TMEM108: variants seen among roughly 807,000 people sequenced by gnomAD.
The protein encoded by TMEM108 is transmembrane protein 108.
A neutral mutation model predicts 35.1 loss-of-function variants in TMEM108; 12 were observed. The ratio of observed to expected loss-of-function variants is 0.34; its 90% CI spans 0.22 to 0.55. TMEM108 has a LOEUF of 0.55. Ranked by LOEUF, TMEM108 falls within the 20% of genes least tolerant of loss-of-function variation. The probability of loss-of-function intolerance (pLI) is 0.89; values close to 1 mark genes in which losing one functional copy is unlikely to be tolerated. For synonymous variants in TMEM108, 287 were observed against 308.6 expected, an observed-to-expected ratio of 0.93 and a Z score of 0.73; for missense variants, 680 against 753.3, an observed-to-expected ratio of 0.90 and a Z score of 1.14.
intron 3 of TMEM108, among the ~76,000 whole-genome samples, chr3:133,324,998 A>G (rs2071313034): frequency 6.6e-6 from 1 of 152,084 alleles, no homozygotes; most frequent in Non-Finnish European, 1.5e-5. Flanking sequence ...AAGAAGAAGA[A>G]GTCATTATAT....
Position 133,235,259 on chromosome 3 carries a change from G to A in TMEM108, c.40+5908G>A, listed in dbSNP as rs990583170. 3.3e-5 allele frequency among the ~76,000 whole-genome samples: 5 copies of A among 151,928 alleles called. No individual in the cohort carries two copies. In the East Asian group the frequency reaches 7.7e-4, roughly 23 times the overall value. Reference sequence around the variant, plus strand: ...CAGAATTGGAAAAAACTACTTTAAAGTTCATATGGAACCAAAAAAGAGCCT... The same window carrying A: ...CAGAATTGGAAAAAACTACTTTAAAATTCATATGGAACCAAAAAAGAGCCT... On this transcript the variant is annotated intron_variant, in intron 3 of 5. Coordinates refer to ENST00000321871, the MANE Select transcript of TMEM108 (RefSeq NM_023943.4).
At chr3:133,266,195 T>A (rs934509654) in intron 3 of TMEM108, among the ~76,000 whole-genome samples, 24 of 149,402 alleles carry the variant, frequency 1.6e-4, no homozygotes, top group Non-Finnish European at 3.1e-4. Context: ...GCTGTTAGGT[T>A]TTTTTTGTTG....
intron 2 of TMEM108, among the ~76,000 whole-genome samples, chr3:133,186,635 T>C (rs1490244477): frequency 6.6e-6 from 1 of 152,180 alleles, no homozygotes; most frequent in African/African-American, 2.4e-5. Context: ...CTCCATTGAT[T>C]TGTGTCATTG....
At chr3:133,390,613 G>T (rs1201865136) in intron 5 of TMEM108, among the ~76,000 whole-genome samples, 1 of 152,172 alleles carries the variant, frequency 6.6e-6, no homozygotes, top group East Asian at 1.9e-4. Flanking sequence ...ACTCAGTGAG[G>T]ACCTGTTTTG....
chr3:133,131,684 A>G (rs992603577), intron 2 of TMEM108, among the ~76,000 whole-genome samples: 1 of 151,766 alleles, frequency 6.6e-6, no homozygotes, highest in Non-Finnish European at 1.5e-5. Flanking sequence ...TAACCCTAAA[A>G]TGGCCTCTAA....
intron 2 of TMEM108, among the ~76,000 whole-genome samples, chr3:133,166,485 G>A (rs1440795447): frequency 6.6e-6 from 1 of 152,228 alleles, no homozygotes; most frequent in Non-Finnish European, 1.5e-5. Flanking sequence ...AAGATGGTGT[G>A]TCCGGAGTTT....
intron 3 of TMEM108, among the ~76,000 whole-genome samples, chr3:133,357,740 CATACAGAGTG>C (rs2072216789): frequency 1.3e-5 from 2 of 152,074 alleles, no homozygotes; most frequent in Admixed American, 6.6e-5. Flanking sequence ...GATGCAGAGA[CATACAGAGTG>C]ATATAATGGA....
At chr3:133,061,588 C>T (rs912401145) in intron 2 of TMEM108, among the ~76,000 whole-genome samples, 10 of 152,152 alleles carry the variant, frequency 6.6e-5, no homozygotes, top group African/African-American at 2.2e-4. Flanking sequence ...CTTGCAGCAT[C>T]GTCTAATTAA....
intron 3 of TMEM108, among the ~76,000 whole-genome samples, chr3:133,336,319 A>G (rs761318019): frequency 1.3e-5 from 2 of 152,124 alleles, no homozygotes; most frequent in African/African-American, 4.8e-5. Flanking sequence ...CATGGCTCCA[A>G]AAATGACCCC....
chr3:133,080,492 A>C (rs539791131), intron 2 of TMEM108, among the ~76,000 whole-genome samples: 3 of 152,228 alleles, frequency 2.0e-5, no homozygotes, highest in Non-Finnish European at 4.4e-5. Flanking sequence ...TGCTTTGTCT[A>C]ATCCTTGTTC....
chr3:133,374,673 A>G (rs1259092755), intron 3 of TMEM108, among the ~76,000 whole-genome samples: 1 of 152,078 alleles, frequency 6.6e-6, no homozygotes, highest in Non-Finnish European at 1.5e-5. Flanking sequence ...GAATTAAATC[A>G]GGGGCTTCCA....
intron 3 of TMEM108, among the ~76,000 whole-genome samples, chr3:133,281,772 A>G (rs892193894): frequency 5.9e-5 from 9 of 152,186 alleles, no homozygotes; most frequent in African/African-American, 2.2e-4. Context: ...TCTACTGCGT[A>G]AGAGGGTGGG....
At chr3:133,358,328 C>T (rs929471894) in intron 3 of TMEM108, among the ~76,000 whole-genome samples, 7 of 152,022 alleles carry the variant, frequency 4.6e-5, no homozygotes, top group African/African-American at 7.2e-5. Context: ...CGAACCACTA[C>T]GCCTGGCTAA....
chr3:133,205,811 G>A (rs1403561896), intron 2 of TMEM108, among the ~76,000 whole-genome samples: 1 of 152,082 alleles, frequency 6.6e-6, no homozygotes, highest in Admixed American at 6.5e-5. Flanking sequence ...TCTTTGTGGT[G>A]CTCTCTGTAT....
chr3:133,169,680 G>A (rs917809170), intron 2 of TMEM108, among the ~76,000 whole-genome samples: 4 of 152,218 alleles, frequency 2.6e-5, no homozygotes, highest in Non-Finnish European at 5.9e-5. Context: ...GTGTACCCCA[G>A]TTGAAAATTA....
At chr3:133,299,173 A>G (rs1947185085) in intron 3 of TMEM108, among the ~76,000 whole-genome samples, 1 of 152,238 alleles carries the variant, frequency 6.6e-6, no homozygotes, top group African/African-American at 2.4e-5. Context: ...CCTTGCAGCC[A>G]GCTAGTGCTC....
At position 133,277,917 on chromosome 3, in the gene TMEM108, C is replaced by G. The variant is rs1318261655; in HGVS notation, c.40+48566C>G. On this transcript the variant is annotated intron_variant, in intron 3 of 5. Coordinates refer to ENST00000321871, the MANE Select transcript of TMEM108 (RefSeq NM_023943.4). ...GTGGACCAGAGACTCAGGCTCTGCC[C>G]CATTTGAAACATTCTTATTGCAAAC... Among the ~76,000 whole-genome samples, 4 of 152,138 alleles carry G rather than the reference C, an allele frequency of 2.6e-5. No homozygotes were observed. In the South Asian group the frequency reaches 8.3e-4, roughly 32 times the overall value.
At chr3:133,335,185 T>C (rs554745706) in intron 3 of TMEM108, among the ~76,000 whole-genome samples, 5 of 152,320 alleles carry the variant, frequency 3.3e-5, no homozygotes, top group South Asian at 4.1e-4. Flanking sequence ...TGTCAATAAA[T>C]GTAAATGAAT....
At chr3:133,068,565 A>T (rs538263585) in intron 2 of TMEM108, among the ~76,000 whole-genome samples, 1 of 152,170 alleles carries the variant, frequency 6.6e-6, no homozygotes, top group Non-Finnish European at 1.5e-5. Flanking sequence ...AAAGCTGATG[A>T]AGGGTTCAAA....
Sources: allele counts gnomAD v4.1 joint callset (sites outside exome capture counted in the v4.1 genomes callset), GRCh38; gene constraint gnomAD v4.1.1; transcripts MANE v1.5; gene names NCBI Gene and HGNC (gene_info 2026-07-23, HGNC 2026-07-21).